Variants in ABCD3 observed in about 807,000 individuals in gnomAD.
ABCD3 encodes ATP-binding cassette sub-family D member 3.
ABCD3 carries 41 observed loss-of-function variants against 105.5 expected under a neutral mutation model. That is an observed-to-expected ratio of 0.39 (90% CI 0.30 to 0.50). ABCD3 has a LOEUF of 0.50. Among genes scored for constraint, ABCD3 ranks in the 20% least tolerant of loss-of-function variants. The pLI, the probability that ABCD3 is intolerant of heterozygous loss-of-function variation, is 0.84. For missense variants in ABCD3, 622 were observed against 806.3 expected, an observed-to-expected ratio of 0.77 and a Z score of 2.77; for synonymous variants, 258 against 269.0, an observed-to-expected ratio of 0.96 and a Z score of 0.40.
intron 1 of ABCD3, among the ~76,000 whole-genome samples, chr1:94,442,862 C>T (rs1660183142): frequency 6.6e-6 from 1 of 152,194 alleles, no homozygotes; most frequent in African/African-American, 2.4e-5. Flanking sequence ...ATCCAGTCCT[C>T]CATTGATAGG....
chr1:94,483,320 TACAC>T, intron 10 of ABCD3, 81 bp downstream of exon 10: 5 of 995,014 alleles, frequency 5.0e-6, no homozygotes, highest in Admixed American at 1.8e-5. Flanking sequence ...CCGACACACA[TACAC>T]ACACACACAA....
At chr1:94,452,443 C>G (rs1347519353) in intron 1 of ABCD3, among the ~76,000 whole-genome samples, 2 of 152,168 alleles carry the variant, frequency 1.3e-5, no homozygotes, top group African/African-American at 4.8e-5. Flanking sequence ...ATGAAGGTAA[C>G]TTGAGCACAG....
chr1:94,498,521 T>C (rs976492035), intron 16 of ABCD3, 81 bp from the exon 17 acceptor site: 4 of 1,395,772 alleles, frequency 2.9e-6, no homozygotes, highest in Non-Finnish European at 4.0e-6. Context: ...GCTATTAATA[T>C]TTGAGTCTAA....
intron 3 of ABCD3, among the ~76,000 whole-genome samples, chr1:94,467,586 A>G (rs1203320960): frequency 6.6e-6 from 1 of 152,232 alleles, no homozygotes; most frequent in Non-Finnish European, 1.5e-5. Context: ...AAGAAAATCA[A>G]CAATACACTA....
intron 20 of ABCD3, among the ~76,000 whole-genome samples, chr1:94,506,030 A>G (rs1215491286): frequency 6.6e-6 from 1 of 152,204 alleles, no homozygotes; most frequent in East Asian, 1.9e-4. Flanking sequence ...ATTTTCATTT[A>G]TAAAATTAGC....
intron 16 of ABCD3, among the ~76,000 whole-genome samples, chr1:94,494,060 A>G (rs761114496): frequency 3.3e-5 from 5 of 152,124 alleles, no homozygotes; most frequent in Non-Finnish European, 7.3e-5. Flanking sequence ...TAACCTGCAC[A>G]TTGTGCACAT....
At chr1:94,508,075 G>C (rs1392346371) in intron 21 of ABCD3, among the ~76,000 whole-genome samples, 2 of 151,274 alleles carry the variant, frequency 1.3e-5, no homozygotes, top group African/African-American at 4.9e-5. Context: ...CCATGCCTAT[G>C]TCCTGAATGG....
intron 1 of ABCD3, among the ~76,000 whole-genome samples, chr1:94,434,346 C>CT (rs888626523): frequency 3.0e-4 from 45 of 151,426 alleles, no homozygotes; most frequent in African/African-American, 9.7e-4. Flanking sequence ...TTATAGTTAA[C>CT]TTTTTTTTTA....
chr1:94,404,476 T>A, the ABCD3 span, among the ~76,000 whole-genome samples: 19 of 152,184 alleles, frequency 1.2e-4, no homozygotes, highest in African/African-American at 4.6e-4. Context: ...TGAAATAAAA[T>A]CAGTTTCATT....
rs1649332525 is a variant in ABCD3, at chr1:94,487,554, C to A, written c.910C>A (p.His304Asn). 6.2e-7 allele frequency: 1 copy of A among 1,613,532 alleles called. No individual in the cohort carries two copies. Among genetic ancestry groups the A allele is most frequent in the African/African-American group, 1.3e-5 (1 of 74,906 alleles). ...TGTTTTCTGCCAGGTGGAACACCTA[C>A]ATAATTTCATTTTGTTTCGGTTTTC... is the stretch of plus-strand genomic sequence containing the variant. ...SVFRKLVEHL[H>N]NFILFRFSMG... The change falls in exon 11 of 23, where the codon CAT becomes AAT. Residue 304 changes from histidine (H) to asparagine (N), a missense_variant. Around this residue, in one of 4 missense-constraint regions of ABCD3, gnomAD observed 245 missense variants for 356.4 expected, o/e 0.69. Transcript: ENST00000370214.
chr1:94,470,115 A>T (rs1488454932), intron 4 of ABCD3, among the ~76,000 whole-genome samples: 1 of 151,872 alleles, frequency 6.6e-6, no homozygotes, highest in Non-Finnish European at 1.5e-5. Context: ...TGGCAGATGC[A>T]CTCTTTTTCT....
the ABCD3 span, among the ~76,000 whole-genome samples, chr1:94,391,295 T>C: frequency 4.0e-4 from 61 of 152,220 alleles, 2 homozygotes; most frequent in Admixed American, 4.0e-3. Flanking sequence ...TTTTGGCCAT[T>C]ATTTTTAATG....
chr1:94,511,871 G>T (rs1650689105), intron 21 of ABCD3, among the ~76,000 whole-genome samples: 2 of 151,902 alleles, frequency 1.3e-5, no homozygotes, highest in African/African-American at 4.8e-5. Context: ...CCCTGTATTG[G>T]TTATTCTAGT....
At chr1:94,457,618 C>T (rs746654952) in intron 1 of ABCD3, among the ~76,000 whole-genome samples, 34 of 152,160 alleles carry the variant, frequency 2.2e-4, no homozygotes, top group Non-Finnish European at 4.3e-4. Flanking sequence ...ACACTCCCCT[C>T]TCCTCATGTC....
At chr1:94,482,326 ATAAAT>A (rs1309115480) in intron 9 of ABCD3, 1 of 152,216 alleles carries the variant, frequency 6.6e-6, no homozygotes, top group Non-Finnish European at 1.5e-5. Flanking sequence ...AATATAAAAC[ATAAAT>A]TGTTTAGGGG....
At chr1:94,471,733 ATT>A (rs1299285309) in intron 4 of ABCD3, among the ~76,000 whole-genome samples, 1 of 152,186 alleles carries the variant, frequency 6.6e-6, no homozygotes, top group African/African-American at 2.4e-5. Context: ...CCATCTCAGT[ATT>A]TAAGCTACAG....
At chr1:94,414,033 A>G (rs908489445), upstream of ABCD3, among the ~76,000 whole-genome samples, 8 of 152,154 alleles carry the variant, frequency 5.3e-5, no homozygotes, top group African/African-American at 1.9e-4. Context: ...AGGATATTCA[A>G]GGGAAGACTA....
chr1:94,391,476 C>A, the ABCD3 span, among the ~76,000 whole-genome samples: 1 of 152,154 alleles, frequency 6.6e-6, no homozygotes, highest in African/African-American at 2.4e-5. Context: ...ATGTCCACAT[C>A]ACTCTAACAG....
intron 1 of ABCD3, among the ~76,000 whole-genome samples, chr1:94,431,983 T>C (rs993906204): frequency 2.0e-5 from 3 of 152,176 alleles, no homozygotes; most frequent in African/African-American, 7.2e-5. Context: ...GGTGATCCCA[T>C]TTCTTAAGTA....
Sources: gnomAD v4.1 joint callset for allele counts (sites outside exome capture counted in the v4.1 genomes callset) on GRCh38, gnomAD v4.1.1 for gene constraint, gnomAD v4.1.1 regional missense constraint, MANE v1.5 for transcripts, NCBI Gene and HGNC (gene_info 2026-07-23, HGNC 2026-07-21) for gene names.